FAM184B: variants seen among roughly 807,000 people sequenced by gnomAD.
The protein encoded by FAM184B is protein FAM184B.
FAM184B carries 111 observed loss-of-function variants against 135.9 expected under a neutral mutation model. The ratio of observed to expected loss-of-function variants is 0.82; its 90% CI spans 0.70 to 0.96. The LOEUF is 0.96. Ranked by LOEUF, FAM184B falls within the 40% of genes least tolerant of loss-of-function variation. The probability of loss-of-function intolerance (pLI) is 0.00; values close to 1 mark genes in which losing one functional copy is unlikely to be tolerated. For synonymous variants in FAM184B, 552 were observed against 524.8 expected (o/e 1.05, Z -0.71); for missense variants, 1,375 against 1,323.9 (o/e 1.04, Z -0.60).
At chr4:17,732,124 T>C (rs1481024234) in intron 1 of FAM184B, among the ~76,000 whole-genome samples, 1 of 152,166 alleles carries the variant, frequency 6.6e-6, no homozygotes, top group African/African-American at 2.4e-5. Flanking sequence ...ATAAAGATGT[T>C]CTTTGAAACC....
intron 10 of FAM184B, among the ~76,000 whole-genome samples, chr4:17,655,958 T>C (rs1344725546): frequency 1.3e-5 from 2 of 152,222 alleles, no homozygotes; most frequent in African/African-American, 4.8e-5. Flanking sequence ...CCTAATGACC[T>C]ATCCGAGCTC....
chr4:17,642,444 A>G (rs1715349798), intron 12 of FAM184B, among the ~76,000 whole-genome samples: 1 of 152,138 alleles, frequency 6.6e-6, no homozygotes, highest in Non-Finnish European at 1.5e-5. Flanking sequence ...TTAGAGTTTA[A>G]TAAAACTGCT....
In FAM184B at chr4:17,667,931, T is replaced by C. The variant is rs1172063450; in HGVS notation, c.1597-3272A>G. 6.6e-5 allele frequency among the ~76,000 whole-genome samples: 10 copies of C among 152,124 alleles called. 1 individual carries two copies. The highest frequency in any genetic ancestry group is 1.5e-4 in the Non-Finnish European group (10 of 68,028). Reference sequence around the variant, plus strand: ...AGCTCTTGCTGGTTTCTCTTTTAGTTCTCTCTATCCTGGGCCTGTGTGTAC... The same window carrying C: ...AGCTCTTGCTGGTTTCTCTTTTAGTCCTCTCTATCCTGGGCCTGTGTGTAC... On this transcript the variant is annotated intron_variant, in intron 7 of 17. Transcript: ENST00000265018.
At chr4:17,762,095 G>A (rs1345640080) in intron 1 of FAM184B, among the ~76,000 whole-genome samples, 1 of 152,144 alleles carries the variant, frequency 6.6e-6, no homozygotes, top group Non-Finnish European at 1.5e-5. Context: ...AAGCTGCCAA[G>A]AGACCTCTTT....
At chr4:17,639,975 C>G (rs1469673082) in intron 13 of FAM184B, among the ~76,000 whole-genome samples, 4 of 151,700 alleles carry the variant, frequency 2.6e-5, no homozygotes, top group Non-Finnish European at 1.5e-5. Context: ...ATTACAGGCG[C>G]CCAGCACCAG....
In FAM184B at chr4:17,642,114, G is replaced by A. The variant is rs1345136381; in HGVS notation, c.2461C>T (p.Leu821=). Residue 821 remains leucine, a synonymous_variant, in exon 13 of 18, where the codon CTG becomes TTG. Coordinates refer to ENST00000265018, the MANE Select transcript of FAM184B (RefSeq NM_015688.2). ...NAQLQDAVRR[L]RAEVEQHQQE... ...TGATGCTGCTCCACCTCCGCGCGCA[G>A]CCGCCGCACCGCGTCCTGGAGCTGC... 2.6e-6 allele frequency: 4 copies of A among 1,532,796 alleles called. No homozygotes were observed. In the African/African-American group the frequency reaches 4.2e-5, roughly 16 times the overall value. 94.9% of individuals were successfully genotyped at this position (1,532,796 alleles called of 1,614,324 possible). A position where few individuals can be genotyped will look rare whatever the true frequency, so the allele number is the denominator to read the frequency against.
chr4:17,777,672 A>T (rs34080918), intron 1 of FAM184B, among the ~76,000 whole-genome samples: 32,691 of 152,198 alleles, frequency 0.21, 3,764 homozygotes, highest in South Asian at 0.31. Context: ...CAACACAAAG[A>T]CAAAATCTTT....
At chr4:17,692,239 G>A (rs1397488941) in intron 6 of FAM184B, among the ~76,000 whole-genome samples, 2 of 151,852 alleles carry the variant, frequency 1.3e-5, no homozygotes, top group African/African-American at 4.8e-5. Context: ...AGGAAGGGAG[G>A]ACAGCAGGGA....
rs752843581 is a variant in FAM184B at position 17,687,908 on chromosome 4, TG to T, written c.1596+515del. On this transcript the variant is annotated intron_variant, in intron 7 of 17. Transcript: ENST00000265018. ...CCACCAAGTACATGGTCATTCGTTA[TG>T]GTGATCCTAGAGAACAATCCAACCC... 9.2e-5 allele frequency among the ~76,000 whole-genome samples: 14 copies of T among 152,262 alleles called. No homozygotes were observed. In the East Asian group the frequency reaches 2.7e-3, roughly 29 times the overall value.
At chr4:17,711,088 C>A (rs1331554796) in intron 1 of FAM184B, among the ~76,000 whole-genome samples, 1 of 152,108 alleles carries the variant, frequency 6.6e-6, no homozygotes, top group Non-Finnish European at 1.5e-5. Context: ...CACAGTGGCT[C>A]ATGCCTGTAA....
At position 17,748,098 on chromosome 4, in the gene FAM184B, C is replaced by T. The variant is rs1200723014; in HGVS notation, c.141+33061G>A. On this transcript the variant is annotated intron_variant, in intron 1 of 17. Coordinates refer to ENST00000265018, the MANE Select transcript of FAM184B (RefSeq NM_015688.2). ...CAGCCTGGATGACAGAGAAAGACTCCGTCTGAAAAAAAAAAAAAAAAAAAA... is the reference window on the plus strand; with the variant it reads ...CAGCCTGGATGACAGAGAAAGACTCTGTCTGAAAAAAAAAAAAAAAAAAAA... Among the ~76,000 whole-genome samples, 12 of 92,540 alleles carry T rather than the reference C, an allele frequency of 1.3e-4. No homozygotes were observed. The South Asian group carries it at 4.7e-3, about 36-fold the overall frequency. 60.7% of individuals were successfully genotyped at this position (92,540 alleles called of 152,430 possible).
At chr4:17,682,640 A>G (rs1716471956) in intron 7 of FAM184B, among the ~76,000 whole-genome samples, 1 of 152,140 alleles carries the variant, frequency 6.6e-6, no homozygotes, top group Non-Finnish European at 1.5e-5. Context: ...CTGGGACTAC[A>G]GGCGTGTGCC....
chr4:17,712,082 G>A lies in FAM184B; in HGVS notation c.142-2438C>T, dbSNP rs78226610. Among the ~76,000 whole-genome samples, 384 of 152,350 alleles carry A rather than the reference G, an allele frequency of 2.5e-3. 7 individuals are homozygous for A. In the East Asian group the frequency reaches 0.048, roughly 19 times the overall value. Reference sequence around the variant, plus strand: ...TTGCTATGAGATTTTCCTCAGTCAGGTTCATCTGAATTAGTTCAGAGAAGA... The same window carrying A: ...TTGCTATGAGATTTTCCTCAGTCAGATTCATCTGAATTAGTTCAGAGAAGA... On this transcript the variant is annotated intron_variant, in intron 1 of 17. Coordinates refer to ENST00000265018, the MANE Select transcript of FAM184B (RefSeq NM_015688.2).
At chr4:17,722,601 T>C (rs1330199926) in intron 1 of FAM184B, among the ~76,000 whole-genome samples, 1 of 152,208 alleles carries the variant, frequency 6.6e-6, no homozygotes, top group Non-Finnish European at 1.5e-5. Flanking sequence ...GGCTGAGACT[T>C]AGCTGAAAGA....
intron 1 of FAM184B, among the ~76,000 whole-genome samples, chr4:17,755,238 T>C (rs1470000703): frequency 6.6e-6 from 1 of 152,176 alleles, no homozygotes; most frequent in East Asian, 1.9e-4. Context: ...AAACAGCTAT[T>C]TTCTAGGTCT....
At chr4:17,727,650 A>G (rs1717672466) in intron 1 of FAM184B, among the ~76,000 whole-genome samples, 1 of 152,130 alleles carries the variant, frequency 6.6e-6, no homozygotes, top group Non-Finnish European at 1.5e-5. Flanking sequence ...ATCTTGTGAG[A>G]ACTCCTTCAT....
intron 1 of FAM184B, among the ~76,000 whole-genome samples, chr4:17,723,664 G>A (rs1338102254): frequency 6.6e-6 from 1 of 152,130 alleles, no homozygotes; most frequent in Non-Finnish European, 1.5e-5. Context: ...AGGGAGAAAA[G>A]GGACATACAA....
Position 17,650,182 on chromosome 4 carries a change from G to GTCCA in FAM184B, c.2192-2395_2192-2392dup, listed in dbSNP as rs548409980. 6.0e-3 allele frequency among the ~76,000 whole-genome samples: 904 copies of GTCCA among 150,388 alleles called. 6 individuals are homozygous for GTCCA. The highest frequency in any genetic ancestry group is 8.8e-3 in the Non-Finnish European group (594 of 67,584). ...CATCCACCCACACCCCCATCCACTTGTCCATCCATCCATCCATCCATCCAT... is the reference window on the plus strand; with the variant it reads ...CATCCACCCACACCCCCATCCACTTGTCCATCCATCCATCCATCCATCCATCCAT... On this transcript the variant is annotated intron_variant, in intron 11 of 17. Transcript: ENST00000265018.
chr4:17,635,173 TGAAG>T lies in FAM184B; in HGVS notation c.2785-64_2785-61del, dbSNP rs1715088967. The stretch of plus-strand genomic sequence containing the variant: ...TAACCACACAGCACTGGGTTTGACT[TGAAG>T]GAAGATGGCTGTGAGGGCAGAATAG... On this transcript the variant is annotated intron_variant, in intron 15 of 17. Transcript: ENST00000265018. The T allele has an allele frequency of 7.5e-6, 10 of 1,325,920 alleles. No homozygotes were observed. In the South Asian group the frequency reaches 1.3e-4, roughly 17 times the overall value. 82.1% of individuals were successfully genotyped at this position (1,325,920 alleles called of 1,614,324 possible). A position where few individuals can be genotyped will look rare whatever the true frequency, so the allele number is the denominator to read the frequency against.
Sources: allele counts gnomAD v4.1 joint callset (sites outside exome capture counted in the v4.1 genomes callset), GRCh38; gene constraint gnomAD v4.1.1; transcripts MANE v1.5; gene names NCBI Gene and HGNC (gene_info 2026-07-23, HGNC 2026-07-21).